RNF168: variants seen among roughly 807,000 people sequenced by gnomAD.
The protein encoded by RNF168 is E3 ubiquitin-protein ligase RNF168.
Under a neutral mutation model 34.9 loss-of-function variants are expected in RNF168, and 34 were observed. That is an observed-to-expected ratio of 0.97 (90% CI 0.74 to 1.30). RNF168 has a LOEUF of 1.30. Ranked by LOEUF, RNF168 falls within the 50% of genes most tolerant of loss-of-function variation. The pLI, the probability that RNF168 is intolerant of heterozygous loss-of-function variation, is 0.00. For synonymous variants in RNF168, 264 were observed against 254.7 expected (o/e 1.04, Z -0.35); for missense variants, 725 against 682.5 (o/e 1.06, Z -0.69).
At chr3:196,495,614 G>C (rs73891267) in intron 1 of RNF168, among the ~76,000 whole-genome samples, 20 of 152,192 alleles carry the variant, frequency 1.3e-4, no homozygotes, top group Non-Finnish European at 2.5e-4. Context: ...GGACCGCAAT[G>C]TTTGTTTGTT....
chr3:196,501,027 C>G (rs1577525484), intron 1 of RNF168, among the ~76,000 whole-genome samples: 2 of 152,276 alleles, frequency 1.3e-5, no homozygotes, highest in African/African-American at 4.8e-5. Context: ...TTTTTTGACA[C>G]ACAGAGTTAA....
chr3:196,480,737 G>C (rs1447605079), intron 4 of RNF168, among the ~76,000 whole-genome samples: 1 of 152,140 alleles, frequency 6.6e-6, no homozygotes, highest in Admixed American at 6.5e-5. Flanking sequence ...TAACCTCCCA[G>C]GCTCAAGTGA....
intron 1 of RNF168, among the ~76,000 whole-genome samples, chr3:196,491,859 C>A (rs555520963): frequency 1.3e-5 from 2 of 152,064 alleles, no homozygotes; most frequent in East Asian, 3.9e-4. Flanking sequence ...CAAGACACTA[C>A]GCTGCGTGAA....
At chr3:196,495,217 C>A (rs540779437) in intron 1 of RNF168, among the ~76,000 whole-genome samples, 1 of 152,164 alleles carries the variant, frequency 6.6e-6, no homozygotes, top group South Asian at 2.1e-4. Flanking sequence ...TTGAAAGTTG[C>A]ATGATCATAA....
chr3:196,497,724 C>T (rs1398340536), intron 1 of RNF168, among the ~76,000 whole-genome samples: 1 of 151,860 alleles, frequency 6.6e-6, no homozygotes, highest in Admixed American at 6.6e-5. Flanking sequence ...ATATCTTAGC[C>T]TGAAGGTAGC....
At position 196,472,130 on chromosome 3, in the gene RNF168, C is replaced by T; in HGVS notation, c.1405G>A (p.Gly469Arg). 1 of 1,614,094 alleles carries T rather than the reference C, an allele frequency of 6.2e-7. No homozygotes were observed. The highest frequency in any genetic ancestry group is 8.5e-7 in the Non-Finnish European group (1 of 1,180,024). Residue 469 changes from glycine (G) to arginine (R), a missense_variant, in exon 6 of 6, where the codon GGA (glycine) becomes AGA (arginine). By Grantham distance (125) the Gly-to-Arg change is moderately radical. Transcript: ENST00000318037. ...KEQMVPNRQK[G>R]SPDEYHLRAT... ...CGTAAGTGATACTCATCTGGGGATC[C>T]TTTTTGCCGGTTTGGCACCATTTGC...
chr3:196,475,011 C>A lies in RNF168; in HGVS notation c.762+220G>T, dbSNP rs114683007. On this transcript the variant is annotated intron_variant, in intron 5 of 5. Transcript: ENST00000318037. ...AACTGCAAAGGCGAAAATATTCACTCTCTTAGAGAAAAACTTTGCTTTTTG... is the reference window on the plus strand; with the variant it reads ...AACTGCAAAGGCGAAAATATTCACTATCTTAGAGAAAAACTTTGCTTTTTG... 7.9e-3 allele frequency: 4,125 copies of A among 521,070 alleles called. 33 individuals are homozygous for A. The highest frequency in any genetic ancestry group is 0.011 in the Non-Finnish European group (3,220 of 289,420). 32.3% of individuals were successfully genotyped at this position (521,070 alleles called of 1,614,324 possible).
rs1732009313 is a variant in RNF168 at position 196,471,637 on chromosome 3, T to G, written c.*182A>C. 2 of 599,678 alleles carry G rather than the reference T, an allele frequency of 3.3e-6. No individual in the cohort carries two copies. Among genetic ancestry groups the G allele is most frequent in the Admixed American group, 2.9e-5 (1 of 34,788 alleles). 37.1% of individuals were successfully genotyped at this position (599,678 alleles called of 1,614,324 possible). ...AGGGAAACGACAGGGGACCCCTGCT[T>G]ACCGCTGAGCTGTGCAGAAGCTCAT... On this transcript the variant is annotated 3_prime_UTR_variant, in exon 6 of 6. Transcript: ENST00000318037.
At chr3:196,488,127 C>T (rs1732501043) in intron 2 of RNF168, among the ~76,000 whole-genome samples, 2 of 152,074 alleles carry the variant, frequency 1.3e-5, no homozygotes, top group African/African-American at 4.8e-5. Flanking sequence ...CACATAAGAG[C>T]ATTAATTATG....
chr3:196,483,969 C>A, intron 3 of RNF168, 78 bp from the exon 4 acceptor site: 1 of 1,092,456 alleles, frequency 9.2e-7, no homozygotes, highest in Non-Finnish European at 1.4e-6. Flanking sequence ...TTGACTAATT[C>A]AGAAATCCAT....
chr3:196,471,480 CA>C lies in RNF168; in HGVS notation c.*338del. Reference sequence around the variant, plus strand: ...ATCTTGCTTTGATTACCAGTCACGACAAAAAGGTGAGCAAAGGCCATAAAAC... The same window carrying C: ...ATCTTGCTTTGATTACCAGTCACGACAAAAGGTGAGCAAAGGCCATAAAAC... On this transcript the variant is annotated 3_prime_UTR_variant, in exon 6 of 6. Coordinates refer to ENST00000318037, the MANE Select transcript of RNF168 (RefSeq NM_152617.4). The C allele has an allele frequency of 3.6e-6, 1 of 276,646 alleles. No homozygotes were observed. The highest frequency in any genetic ancestry group is 7.0e-6 in the Non-Finnish European group (1 of 142,422). 17.1% of individuals were successfully genotyped at this position (276,646 alleles called of 1,614,324 possible). A position where few individuals can be genotyped will look rare whatever the true frequency, so the allele number is the denominator to read the frequency against.
Position 196,483,771 on chromosome 3 carries a change from T to C in RNF168, c.679A>G (p.Lys227Glu). The C allele has an allele frequency of 6.2e-7, 1 of 1,610,968 alleles. No homozygotes were observed. The highest frequency in any genetic ancestry group is 1.3e-5 in the African/African-American group (1 of 75,010). The stretch of plus-strand genomic sequence containing the variant: ...TAATTCATAGTCATGTTCACTTACT[T>C]CTGAATATCTCCAGTGTTTCTTTGT... ...NKQRNTGDIQ[K>E]YLTPKSQFGS... The change falls in exon 4 of 6, where the codon AAG becomes GAG. Residue 227 changes from lysine (K) to glutamate (E), a missense_variant and splice_region_variant. By Grantham distance (56) the Lys-to-Glu change is moderately conservative. Transcript: ENST00000318037.
At chr3:196,482,111 T>C (rs1429181193) in intron 4 of RNF168, among the ~76,000 whole-genome samples, 3 of 152,104 alleles carry the variant, frequency 2.0e-5, no homozygotes, top group African/African-American at 7.2e-5. Flanking sequence ...CTGGCTGCCC[T>C]TTCTTCTTTT....
intron 4 of RNF168, among the ~76,000 whole-genome samples, chr3:196,478,459 T>C (rs1446387984): frequency 1.3e-5 from 2 of 152,302 alleles, no homozygotes; most frequent in African/African-American, 4.8e-5. Context: ...ACGTTCCCTT[T>C]TCTGTCTGTT....
In RNF168 at chr3:196,493,578, T is replaced by A. The variant is rs141808405; in HGVS notation, c.302-4895A>T. ...TTCGCTCTTGTTGCCCAGGCTGGAG[T>A]ACAATGGCGCAATCTCAGGTAACTG... is the stretch of plus-strand genomic sequence containing the variant. On this transcript the variant is annotated intron_variant, in intron 1 of 5. Coordinates refer to ENST00000318037, the MANE Select transcript of RNF168 (RefSeq NM_152617.4). 1.1e-3 allele frequency among the ~76,000 whole-genome samples: 173 copies of A among 152,176 alleles called. 2 individuals are homozygous for A. In the East Asian group the frequency reaches 0.031, roughly 27 times the overall value.
chr3:196,485,358 A>C (rs1391624300), intron 3 of RNF168, among the ~76,000 whole-genome samples: 1 of 152,104 alleles, frequency 6.6e-6, no homozygotes, highest in African/African-American at 2.4e-5. Context: ...AAATACAAAA[A>C]TTAACAGGAT....
chr3:196,475,273 G>C lies in RNF168; in HGVS notation c.720C>G (p.His240Gln). The change falls in exon 5 of 6, where the codon CAC becomes CAG. Residue 240 changes from histidine (H) to glutamine (Q), a missense_variant. Coordinates refer to ENST00000318037, the MANE Select transcript of RNF168 (RefSeq NM_152617.4). ...TPKSQFGSAS[H>Q]SEAVQEVRKD... Reference sequence around the variant, plus strand: ...TCCTGACTTCTTGTACAGCTTCAGAGTGTGAGGCTGACCCAAACTGAGATT... The same window carrying C: ...TCCTGACTTCTTGTACAGCTTCAGACTGTGAGGCTGACCCAAACTGAGATT... 1 of 1,611,384 alleles carries C rather than the reference G, an allele frequency of 6.2e-7. No homozygotes were observed. Among genetic ancestry groups the C allele is most frequent in the East Asian group, 2.2e-5 (1 of 44,858 alleles).
In RNF168 at chr3:196,472,549, C is replaced by G; in HGVS notation, c.986G>C (p.Ser329Thr). The change falls in exon 6 of 6, where the codon AGT becomes ACT. Residue 329 changes from serine to threonine, a missense_variant. Ser to Thr is a moderately conservative substitution (Grantham distance 58). Transcript: ENST00000318037. ...SNHGKELCVL[S>T]HERPKTRVPY... Reference sequence around the variant, plus strand: ...AACTCTGGTTTTAGGTCGCTCGTGACTTAAGACACATAACTCTTTCCCATG... The same window carrying G: ...AACTCTGGTTTTAGGTCGCTCGTGAGTTAAGACACATAACTCTTTCCCATG... 1.2e-6 allele frequency: 2 copies of G among 1,614,234 alleles called. No homozygotes were observed. The highest frequency in any genetic ancestry group is 1.7e-6 in the Non-Finnish European group (2 of 1,180,050).
At chr3:196,490,656 C>A (rs920201415) in intron 1 of RNF168, among the ~76,000 whole-genome samples, 1 of 151,902 alleles carries the variant, frequency 6.6e-6, no homozygotes, top group Non-Finnish European at 1.5e-5. Flanking sequence ...TGAAATCTTC[C>A]AACTTAAATA....
Sources: allele counts gnomAD v4.1 joint callset (sites outside exome capture counted in the v4.1 genomes callset), GRCh38; gene constraint gnomAD v4.1.1; transcripts MANE v1.5; gene names NCBI Gene and HGNC (gene_info 2026-07-23, HGNC 2026-07-21).